The following MSRA variants were observed in gnomAD, a reference collection of about 807,000 sequenced individuals.
MSRA encodes methionine sulfoxide reductase A.
In MSRA, 54 loss-of-function variants were observed where a neutral mutation model predicts 31.3. The ratio of observed to expected loss-of-function variants is 1.73; its 90% CI spans 1.39 to 2.17. MSRA has a LOEUF of 2.17. Among genes scored for constraint, MSRA ranks in the 30% most tolerant of loss-of-function variants. The pLI is 0.00. For missense variants in MSRA, 507 were observed against 300.9 expected (o/e 1.69, Z -5.07); for synonymous variants, 169 against 116.5 (o/e 1.45, Z -2.90).
intron 5 of MSRA, among the ~76,000 whole-genome samples, chr8:10,354,920 A>T (rs145511891): frequency 6.6e-5 from 10 of 152,144 alleles, no homozygotes; most frequent in African/African-American, 2.4e-4. Flanking sequence ...TGCTGCCGTG[A>T]TGAGCATACT....
intron 5 of MSRA, chr8:10,337,844 C>A (rs544810455): frequency 8.5e-6 from 6 of 701,758 alleles, no homozygotes; most frequent in Admixed American, 2.0e-5. Context: ...TGCCTTCTTT[C>A]TGCTAAATCA....
At chr8:10,258,959 T>C (rs1798324562) in intron 3 of MSRA, among the ~76,000 whole-genome samples, 2 of 152,046 alleles carry the variant, frequency 1.3e-5, no homozygotes, top group Admixed American at 1.3e-4. Context: ...ATACAAAAAC[T>C]AGCCGGGTGT....
chr8:10,124,795 A>C (rs1801385254), intron 1 of MSRA, among the ~76,000 whole-genome samples: 1 of 137,290 alleles, frequency 7.3e-6, no homozygotes, highest in Admixed American at 7.5e-5. Flanking sequence ...ATATGAATTC[A>C]GTAAAAATAA....
At chr8:10,232,684 A>C in intron 2 of MSRA, among the ~76,000 whole-genome samples, 1 of 152,252 alleles carries the variant, frequency 6.6e-6, no homozygotes, top group East Asian at 1.9e-4. Flanking sequence ...CTTAAGGGAA[A>C]CTAAAATCTC....
intron 4 of MSRA, among the ~76,000 whole-genome samples, chr8:10,309,421 C>T (rs1359753150): frequency 6.6e-6 from 1 of 152,186 alleles, no homozygotes; most frequent in East Asian, 1.9e-4. Context: ...TCACCAGCTG[C>T]TGTTTGTTTG....
At chr8:10,360,507 A>G (rs969802734) in intron 5 of MSRA, among the ~76,000 whole-genome samples, 8 of 152,296 alleles carry the variant, frequency 5.3e-5, no homozygotes, top group African/African-American at 1.7e-4. Flanking sequence ...ATCTCATTGT[A>G]GCTGCCATCA....
At chr8:10,162,806 A>G (rs561496320) in intron 1 of MSRA, among the ~76,000 whole-genome samples, 13 of 152,298 alleles carry the variant, frequency 8.5e-5, no homozygotes, top group Admixed American at 2.0e-4. Flanking sequence ...CAAGGGTCAC[A>G]GTGGCTTGCC....
intron 5 of MSRA, among the ~76,000 whole-genome samples, chr8:10,351,643 G>A (rs1165069337): frequency 6.6e-6 from 1 of 152,236 alleles, no homozygotes; most frequent in Admixed American, 6.5e-5. Context: ...TGTAGGGCAG[G>A]ATGGGAGATG....
intron 5 of MSRA, among the ~76,000 whole-genome samples, chr8:10,384,628 G>C (rs917780213): frequency 1.3e-5 from 2 of 152,194 alleles, no homozygotes; most frequent in South Asian, 4.1e-4. Context: ...GAAGCTTCCA[G>C]GTGTTTTCAG....
chr8:10,343,048 CACACAGACACA>C (rs1408774976), intron 5 of MSRA, among the ~76,000 whole-genome samples: 1 of 75,198 alleles, frequency 1.3e-5, no homozygotes, highest in Non-Finnish European at 2.9e-5. Context: ...CACACACACA[CACACAGACACA>C]CACACACACA....
intron 5 of MSRA, among the ~76,000 whole-genome samples, chr8:10,346,759 G>T (rs1803803262): frequency 6.6e-6 from 1 of 152,198 alleles, no homozygotes; most frequent in South Asian, 2.1e-4. Context: ...TTTCAAGCCA[G>T]GACAAAAGTT....
rs79741583 is a variant in MSRA at position 10,385,578 on chromosome 8, A to G, written c.544-42570A>G. Among the ~76,000 whole-genome samples, 940 of 152,210 alleles carry G rather than the reference A, an allele frequency of 6.2e-3. 12 individuals carry two copies. Among genetic ancestry groups the G allele is most frequent in the African/African-American group, 0.021 (866 of 41,538 alleles). ...GAGAAGATCAGGTCTGTGGTCTTAA[A>G]AGATTACTCTGTGGTAAGGAGATTA... On this transcript the variant is annotated intron_variant, in intron 5 of 5. Transcript: ENST00000317173.
chr8:10,226,303 A>G (rs1759225056), intron 2 of MSRA, among the ~76,000 whole-genome samples: 2 of 152,168 alleles, frequency 1.3e-5, no homozygotes, highest in Admixed American at 6.5e-5. Context: ...TCCTTCTGGG[A>G]TGAAATGGAG....
In MSRA at chr8:10,304,551, C is replaced by T. The variant is rs549162644; in HGVS notation, c.436+2913C>T. 3.9e-4 allele frequency among the ~76,000 whole-genome samples: 60 copies of T among 152,334 alleles called. No homozygotes were observed. The South Asian group carries it at 9.3e-3, about 24-fold the overall frequency. On this transcript the variant is annotated intron_variant, in intron 4 of 5. Coordinates refer to ENST00000317173, the MANE Select transcript of MSRA (RefSeq NM_012331.5). Reference sequence around the variant, plus strand: ...CCCTGAAGGTCCAAAAACAGTGACACATGTCAAGTGTCATTTTTCCAAGGT... The same window carrying T: ...CCCTGAAGGTCCAAAAACAGTGACATATGTCAAGTGTCATTTTTCCAAGGT...
chr8:10,428,280 G>T lies in MSRA; in HGVS notation c.676G>T (p.Gly226Cys). 1 of 1,614,086 alleles carries T rather than the reference G, an allele frequency of 6.2e-7. No individual in the cohort carries two copies. The highest frequency in any genetic ancestry group is 8.5e-7 in the Non-Finnish European group (1 of 1,180,010). Residue 226 changes from glycine (G) to cysteine (C), a missense_variant, in exon 6 of 6, where the codon GGC (glycine) becomes TGC (cysteine). Gly to Cys is a radical substitution (Grantham distance 159, BLOSUM62 -3). Transcript: ENST00000317173. Reference sequence around the variant, plus strand: ...TGGCTACTGCGGCCTTGGGGGCACCGGCGTGTCCTGCCCAGTGGGTATTAA... The same window carrying T: ...TGGCTACTGCGGCCTTGGGGGCACCTGCGTGTCCTGCCCAGTGGGTATTAA... ...PNGYCGLGGTGVSCPVGIKK is the reference protein window; with the variant it reads ...PNGYCGLGGTCVSCPVGIKK
chr8:10,175,149 C>G (rs1425834730), intron 1 of MSRA, among the ~76,000 whole-genome samples: 1 of 152,138 alleles, frequency 6.6e-6, no homozygotes, highest in African/African-American at 2.4e-5. Flanking sequence ...GTCCCGGTCA[C>G]TTCACCATCT....
intron 5 of MSRA, among the ~76,000 whole-genome samples, chr8:10,382,603 C>G (rs1247073527): frequency 1.3e-5 from 2 of 152,194 alleles, no homozygotes; most frequent in Non-Finnish European, 2.9e-5. Context: ...GCCAAGGCAT[C>G]TCATGAAAAC....
chr8:10,396,591 C>G (rs888609665), intron 5 of MSRA, among the ~76,000 whole-genome samples: 8 of 152,200 alleles, frequency 5.3e-5, no homozygotes, highest in Non-Finnish European at 8.8e-5. Flanking sequence ...AATGTAAGGA[C>G]TTCTAGTGTG....
At chr8:10,132,713 A>G (rs1054422641) in intron 1 of MSRA, among the ~76,000 whole-genome samples, 1 of 152,264 alleles carries the variant, frequency 6.6e-6, no homozygotes, top group Non-Finnish European at 1.5e-5. Context: ...GACATGTAAT[A>G]GTAATAAGAT....
Sources: allele counts gnomAD v4.1 joint callset (sites outside exome capture counted in the v4.1 genomes callset), GRCh38; gene constraint gnomAD v4.1.1; transcripts MANE v1.5; gene names NCBI Gene and HGNC (gene_info 2026-07-23, HGNC 2026-07-21).